The following OPCML variants were observed in gnomAD, a reference collection of about 807,000 sequenced individuals.
OPCML encodes the protein opioid binding protein/cell adhesion molecule like.
A neutral mutation model predicts 37.8 loss-of-function variants in OPCML; 13 were observed. The ratio of observed to expected loss-of-function variants is 0.34; its 90% CI spans 0.22 to 0.55. The LOEUF is 0.55. Among genes scored for constraint, OPCML ranks in the 20% least tolerant of loss-of-function variants. The pLI, the probability that OPCML is intolerant of heterozygous loss-of-function variation, is 0.91. For missense variants in OPCML, 341 were observed against 435.6 expected (o/e 0.78, Z 1.93); for synonymous variants, 176 against 168.8 (o/e 1.04, Z -0.33).
chr11:133,528,809 C>A (rs1948543590), intron 1 of OPCML, among the ~76,000 whole-genome samples: 1 of 152,126 alleles, frequency 6.6e-6, no homozygotes, highest in Admixed American at 6.5e-5. Flanking sequence ...AAATGGGGAC[C>A]CCTCCCAGCT....
chr11:133,060,657 T>A (rs1347630897), intron 1 of OPCML, among the ~76,000 whole-genome samples: 1 of 152,216 alleles, frequency 6.6e-6, no homozygotes, highest in Non-Finnish European at 1.5e-5. Flanking sequence ...AACAGGCCTC[T>A]TATTGGGAAG....
At chr11:133,194,594 C>G (rs1298845623) in intron 1 of OPCML, among the ~76,000 whole-genome samples, 1 of 152,148 alleles carries the variant, frequency 6.6e-6, no homozygotes, top group African/African-American at 2.4e-5. Context: ...GTTATAATAA[C>G]CTCACAACTA....
chr11:132,694,179 CTTTTTTTTTTTTTTTTTT>C (rs1162305568), intron 2 of OPCML, among the ~76,000 whole-genome samples: 32 of 43,014 alleles, frequency 7.4e-4, no homozygotes, highest in African/African-American at 1.9e-3. Flanking sequence ...AAATCAATGT[CTTTTTTTTTTTTTTTTTT>C]TTTTTTTTTT....
At chr11:133,204,909 T>TATATATAC (rs1350609719) in intron 1 of OPCML, among the ~76,000 whole-genome samples, 80 of 130,668 alleles carry the variant, frequency 6.1e-4, no homozygotes, top group East Asian at 1.3e-3. Context: ...TATATATATA[T>TATATATAC]ACATACACAT....
rs55910320 is a variant in OPCML at position 132,826,584 on chromosome 11, C to T, written c.146+116342G>A. Among the ~76,000 whole-genome samples, 5 of 152,302 alleles carry T rather than the reference C, an allele frequency of 3.3e-5. No individual in the cohort carries two copies. The South Asian group carries it at 6.2e-4, about 19-fold the overall frequency. ...TTATTCCATAGAGCAGAAAAGAATA[C>T]TTTATGTAACATGGCCATAGCACTT... is the stretch of plus-strand genomic sequence containing the variant. On this transcript the variant is annotated intron_variant, in intron 2 of 7. Transcript: ENST00000524381.
At chr11:132,710,644 G>A (rs544347042) in intron 2 of OPCML, among the ~76,000 whole-genome samples, 9 of 151,426 alleles carry the variant, frequency 5.9e-5, no homozygotes, top group African/African-American at 2.2e-4. Context: ...TTTGAGGCCA[G>A]GACTTTGAGA....
At chr11:132,912,400 T>C (rs1026097329) in intron 2 of OPCML, among the ~76,000 whole-genome samples, 2 of 152,188 alleles carry the variant, frequency 1.3e-5, no homozygotes, top group African/African-American at 2.4e-5. Context: ...AATAAACCCC[T>C]TTCCACCTCT....
At chr11:133,143,167 T>G (rs1387135281) in intron 1 of OPCML, among the ~76,000 whole-genome samples, 1 of 152,160 alleles carries the variant, frequency 6.6e-6, no homozygotes, top group African/African-American at 2.4e-5. Flanking sequence ...GTTTCCAAGA[T>G]AGAATGTCAG....
In OPCML at chr11:132,687,387, T is replaced by TACATATAC. The variant is rs1565776156; in HGVS notation, c.147-30069_147-30068insGTATATGT. Among the ~76,000 whole-genome samples, 257 of 37,914 alleles carry TACATATAC rather than the reference T, an allele frequency of 6.8e-3. 16 individuals carry two copies. Among genetic ancestry groups the TACATATAC allele is most frequent in the African/African-American group, 0.035 (230 of 6,632 alleles). The allele number at this position is 37,914 out of a possible 152,430, so 24.9% of individuals were successfully genotyped here. A position where few individuals can be genotyped will look rare whatever the true frequency, so the allele number is the denominator to read the frequency against. On this transcript the variant is annotated intron_variant, in intron 2 of 7. Transcript: ENST00000524381. ...TAAGCTACATATATATATATATATA[T>TACATATAC]ATATATATATATATATATATATATA...
At chr11:133,147,500 C>T (rs886358460) in intron 1 of OPCML, among the ~76,000 whole-genome samples, 1 of 152,186 alleles carries the variant, frequency 6.6e-6, no homozygotes, top group South Asian at 2.1e-4. Flanking sequence ...AGGCCAATTT[C>T]GATGGTAAGC....
In OPCML at chr11:133,349,700, C is replaced by T. The variant is rs140056683; in HGVS notation, c.61+182564G>A. On this transcript the variant is annotated intron_variant, in intron 1 of 7. Coordinates refer to ENST00000524381, the MANE Select transcript of OPCML (RefSeq NM_001012393.5). Reference sequence around the variant, plus strand: ...GTTCTGTCTGTGGCCACATTCCCCACGGTGGATTTTCTTTCTGAAGATGAG... The same window carrying T: ...GTTCTGTCTGTGGCCACATTCCCCATGGTGGATTTTCTTTCTGAAGATGAG... Among the ~76,000 whole-genome samples the T allele has an allele frequency of 6.8e-3, 1,032 of 152,228 alleles. 14 individuals carry two copies. Among genetic ancestry groups the T allele is most frequent in the African/African-American group, 0.023 (960 of 41,524 alleles).
rs1302796640 is a variant in OPCML, at chr11:132,420,150, A to T, written c.*43T>A. The stretch of plus-strand genomic sequence containing the variant: ...TCCGCAGTGTAGATTAAAGTCTGTG[A>T]TATGGAGAAGCAGGCGTTGCTCAGA... On this transcript the variant is annotated 3_prime_UTR_variant, in exon 8 of 8. Coordinates refer to ENST00000524381, the MANE Select transcript of OPCML (RefSeq NM_001012393.5). 1.9e-6 allele frequency: 3 copies of T among 1,563,154 alleles called. No individual in the cohort carries two copies. The highest frequency in any genetic ancestry group is 2.6e-6 in the Non-Finnish European group (3 of 1,134,622).
rs909108518 is a variant in OPCML at position 133,212,098 on chromosome 11, G to A, written c.62-269088C>T. ...GGGTGGGGTTACACCTGCATAGTGA[G>A]GTGGGGGGTCAGGATCCTTCACCTG... On this transcript the variant is annotated intron_variant, in intron 1 of 7. Coordinates refer to ENST00000524381, the MANE Select transcript of OPCML (RefSeq NM_001012393.5). This position sits in a 1 kb window ranked among gnomAD's most constrained non-coding sequence, Gnocchi z 4.9. Among the ~76,000 whole-genome samples the A allele has an allele frequency of 3.3e-5, 5 of 152,104 alleles. No individual in the cohort carries two copies. The East Asian group carries it at 9.7e-4, about 29-fold the overall frequency.
At chr11:132,746,515 C>T (rs1444428141) in intron 2 of OPCML, among the ~76,000 whole-genome samples, 1 of 152,124 alleles carries the variant, frequency 6.6e-6, no homozygotes, top group East Asian at 1.9e-4. Flanking sequence ...CATCTCAGAG[C>T]TGGTTTCTGA....
chr11:132,765,831 A>C (rs550734615), intron 2 of OPCML, among the ~76,000 whole-genome samples: 20 of 152,326 alleles, frequency 1.3e-4, no homozygotes, highest in African/African-American at 4.6e-4. Flanking sequence ...CCTAAATACC[A>C]TCCACTACTC....
chr11:133,439,700 T>C (rs371966982), intron 1 of OPCML, among the ~76,000 whole-genome samples: 1,657 of 151,970 alleles, frequency 0.011, 18 homozygotes, highest in Middle Eastern at 0.048. Context: ...ATCTCCTGAC[T>C]TCGTGATCCA....
chr11:133,045,884 A>C (rs1437486954), intron 1 of OPCML, among the ~76,000 whole-genome samples: 1 of 152,194 alleles, frequency 6.6e-6, no homozygotes, highest in Non-Finnish European at 1.5e-5. Flanking sequence ...GTGATGGCTC[A>C]ATAGTCACCT....
intron 7 of OPCML, among the ~76,000 whole-genome samples, chr11:132,435,743 T>C (rs983627106): frequency 6.6e-6 from 1 of 152,196 alleles, no homozygotes; most frequent in Non-Finnish European, 1.5e-5. Flanking sequence ...ACCCCCAGAA[T>C]CAGAGACTCC....
At chr11:132,925,811 CTTG>C (rs1408882553) in intron 2 of OPCML, among the ~76,000 whole-genome samples, 1 of 152,004 alleles carries the variant, frequency 6.6e-6, no homozygotes, top group East Asian at 1.9e-4. Flanking sequence ...AGGGTTTTTT[CTTG>C]TTGTGAGGAT....
Sources: allele counts gnomAD v4.1 joint callset (sites outside exome capture counted in the v4.1 genomes callset), GRCh38; gene constraint gnomAD v4.1.1; non-coding constraint Gnocchi (gnomAD v3.1); transcripts MANE v1.5; gene names NCBI Gene and HGNC (gene_info 2026-07-23, HGNC 2026-07-21).